PRKCA: variants seen among roughly 807,000 people sequenced by gnomAD.
PRKCA encodes the protein protein kinase C alpha.
In PRKCA, 27 loss-of-function variants were observed where a neutral mutation model predicts 87.0. That is an observed-to-expected ratio of 0.31 (90% CI 0.23 to 0.43). The LOEUF (loss-of-function observed/expected upper bound fraction) is 0.43. Among genes scored for constraint, PRKCA ranks in the 20% least tolerant of loss-of-function variants. The pLI is 1.00. For missense variants in PRKCA, 518 were observed against 852.3 expected, an observed-to-expected ratio of 0.61 and a Z score of 4.88; for synonymous variants, 329 against 311.1, an observed-to-expected ratio of 1.06 and a Z score of -0.61.
intron 3 of PRKCA, among the ~76,000 whole-genome samples, chr17:66,526,513 G>A (rs959887836): frequency 6.6e-6 from 1 of 152,108 alleles, no homozygotes; most frequent in Non-Finnish European, 1.5e-5. Flanking sequence ...TCTGACCTGG[G>A]GCAGCTAGCT....
At position 66,726,149 on chromosome 17, in the gene PRKCA, T is replaced by TGTGCAGGACAGAAAGCTCAGGTGTTC. The variant is rs1973742734; in HGVS notation, c.919-6538_919-6537insTGCAGGACAGAAAGCTCAGGTGTTCG. On this transcript the variant is annotated intron_variant, in intron 8 of 16. Coordinates refer to ENST00000413366, the MANE Select transcript of PRKCA (RefSeq NM_002737.3). ...GTGCAGGACAGAAAGCTCAGGTGTT[T>TGTGCAGGACAGAAAGCTCAGGTGTTC]GCAGGTGTGCAGGACAGAAAGCTCA... 3.8e-5 allele frequency among the ~76,000 whole-genome samples: 5 copies of TGTGCAGGACAGAAAGCTCAGGTGTTC among 130,036 alleles called. 2 individuals carry two copies. The highest frequency in any genetic ancestry group is 2.9e-5 in the African/African-American group (1 of 34,434). 85.3% of individuals were successfully genotyped at this position (130,036 alleles called of 152,430 possible).
intron 2 of PRKCA, among the ~76,000 whole-genome samples, chr17:66,421,115 AAAAATGCTTGCCTGAT>A (rs766571917): frequency 2.7e-4 from 41 of 152,326 alleles, no homozygotes; most frequent in South Asian, 1.2e-3. Flanking sequence ...AGTGAAGTTG[AAAAATGCTTGCCTGAT>A]AAAATGCTTG....
At chr17:66,380,624 A>G (rs926361713) in intron 2 of PRKCA, among the ~76,000 whole-genome samples, 1 of 152,152 alleles carries the variant, frequency 6.6e-6, no homozygotes, top group East Asian at 1.9e-4. Context: ...GCTAATTATG[A>G]TTTTTGCCTG....
intron 1 of PRKCA, among the ~76,000 whole-genome samples, chr17:66,304,785 G>A (rs1249650016): frequency 6.6e-6 from 1 of 152,156 alleles, no homozygotes; most frequent in Non-Finnish European, 1.5e-5. Context: ...CATATGAAGC[G>A]ACTGTGCTCA....
chr17:66,793,763 G>A (rs915102557), intron 16 of PRKCA, among the ~76,000 whole-genome samples: 14 of 152,290 alleles, frequency 9.2e-5, no homozygotes, highest in African/African-American at 1.4e-4. Context: ...GCACTGTGGG[G>A]AGGAGGGTAC....
chr17:66,532,283 T>G (rs866232630), intron 3 of PRKCA, among the ~76,000 whole-genome samples: 4 of 151,900 alleles, frequency 2.6e-5, no homozygotes, highest in Non-Finnish European at 4.4e-5. Context: ...TTTTGCTGGT[T>G]GTTTCCTGCC....
chr17:66,486,168 G>A (rs1337737521), intron 2 of PRKCA, among the ~76,000 whole-genome samples: 1 of 152,082 alleles, frequency 6.6e-6, no homozygotes, highest in Non-Finnish European at 1.5e-5. Context: ...ATATTTTTGC[G>A]TGATTTGTCA....
chr17:66,554,269 T>G (rs1337356296), intron 3 of PRKCA, among the ~76,000 whole-genome samples: 1 of 151,824 alleles, frequency 6.6e-6, no homozygotes, highest in East Asian at 1.9e-4. Flanking sequence ...GAAAAAAAGT[T>G]ATTTCTCAAA....
chr17:66,763,141 T>C (rs1396717414), intron 13 of PRKCA, among the ~76,000 whole-genome samples: 1 of 152,234 alleles, frequency 6.6e-6, no homozygotes. Flanking sequence ...CCAGCAATTC[T>C]AACAGCCCTT....
chr17:66,764,489 G>C (rs911539195), intron 13 of PRKCA, among the ~76,000 whole-genome samples: 3 of 152,182 alleles, frequency 2.0e-5, no homozygotes, highest in Admixed American at 1.3e-4. Context: ...CTGGTCCTGT[G>C]CCCGGGCTGG....
intron 1 of PRKCA, among the ~76,000 whole-genome samples, chr17:66,303,809 C>T (rs1374231985): frequency 6.6e-6 from 1 of 151,906 alleles, no homozygotes; most frequent in African/African-American, 2.4e-5. Flanking sequence ...TCGAGACCAG[C>T]CTGGCAAACA....
At position 66,575,495 on chromosome 17, in the gene PRKCA, A is replaced by G. The variant is rs549458823; in HGVS notation, c.289-65860A>G. ...CTCGGGAGGCTGAGGCAGGAGAATCACTTGAACCCGGGAGGCGGAGGTTGC... is the reference window on the plus strand; with the variant it reads ...CTCGGGAGGCTGAGGCAGGAGAATCGCTTGAACCCGGGAGGCGGAGGTTGC... On this transcript the variant is annotated intron_variant, in intron 3 of 16. Transcript: ENST00000413366. Among the ~76,000 whole-genome samples, 8 of 152,082 alleles carry G rather than the reference A, an allele frequency of 5.3e-5. No individual in the cohort carries two copies. The East Asian group carries it at 1.6e-3, about 30-fold the overall frequency.
chr17:66,483,425 T>G (rs1486158199), intron 2 of PRKCA, among the ~76,000 whole-genome samples: 1 of 142,730 alleles, frequency 7.0e-6, no homozygotes, highest in African/African-American at 2.5e-5. Context: ...AGGGTGTGTT[T>G]ATGTCCAAAT....
intron 3 of PRKCA, among the ~76,000 whole-genome samples, chr17:66,603,467 A>C (rs961284914): frequency 6.6e-6 from 1 of 152,178 alleles, no homozygotes; most frequent in African/African-American, 2.4e-5. Flanking sequence ...GTCTAAATAG[A>C]GCATCTTTAG....
At chr17:66,615,473 A>T (rs762169825) in intron 3 of PRKCA, among the ~76,000 whole-genome samples, 7 of 152,282 alleles carry the variant, frequency 4.6e-5, no homozygotes, top group Admixed American at 2.0e-4. Flanking sequence ...AGGGTTCTAA[A>T]CATCCTGCTT....
chr17:66,660,628 G>A (rs952974769), intron 5 of PRKCA, among the ~76,000 whole-genome samples: 7 of 152,096 alleles, frequency 4.6e-5, no homozygotes, highest in Admixed American at 2.0e-4. Flanking sequence ...GATGGCTCAC[G>A]CCTGTAATCC....
chr17:66,795,835 A>T (rs1006859453), intron 16 of PRKCA, among the ~76,000 whole-genome samples: 2 of 152,218 alleles, frequency 1.3e-5, no homozygotes, highest in Non-Finnish European at 2.9e-5. Flanking sequence ...TTTATTCCAT[A>T]GATTACAGCC....
chr17:66,669,242 G>A (rs74556051), intron 5 of PRKCA, among the ~76,000 whole-genome samples: 1,731 of 152,208 alleles, frequency 0.011, 31 homozygotes, highest in African/African-American at 0.039. Flanking sequence ...ATGAAAGGAA[G>A]TGGACAAGTA....
rs60727876 is a variant in PRKCA, at chr17:66,715,130, GTT to G, written c.919-17546_919-17545del. Among the ~76,000 whole-genome samples, 4 of 144,260 alleles carry G rather than the reference GTT, an allele frequency of 2.8e-5. No homozygotes were observed. The East Asian group carries it at 6.0e-4, about 22-fold the overall frequency. 94.6% of individuals were successfully genotyped at this position (144,260 alleles called of 152,430 possible). ...GGGATAGGATGTGTTTTGTTTTTTGGTTTTTTTTTTTTTCTCTGTGAGGATGC... is the reference window on the plus strand; with the variant it reads ...GGGATAGGATGTGTTTTGTTTTTTGGTTTTTTTTTTTCTCTGTGAGGATGC... On this transcript the variant is annotated intron_variant, in intron 8 of 16. Transcript: ENST00000413366.
Sources: allele counts gnomAD v4.1 joint callset (sites outside exome capture counted in the v4.1 genomes callset), GRCh38; gene constraint gnomAD v4.1.1; transcripts MANE v1.5; gene names NCBI Gene and HGNC (gene_info 2026-07-23, HGNC 2026-07-21).